Variants in RBM6 observed in about 807,000 individuals in gnomAD.
RBM6 encodes the protein RNA binding motif protein 6.
In RBM6, 23 loss-of-function variants were observed where a neutral mutation model predicts 140.4. That is an observed-to-expected ratio of 0.16 (90% CI 0.12 to 0.23). The LOEUF (loss-of-function observed/expected upper bound fraction) is 0.23. Among genes scored for constraint, RBM6 ranks in the 10% least tolerant of loss-of-function variants. The probability of loss-of-function intolerance (pLI) is 1.00; values close to 1 mark genes in which losing one functional copy is unlikely to be tolerated. For synonymous variants in RBM6, 439 were observed against 475.6 expected, an observed-to-expected ratio of 0.92 and a Z score of 1.00; for missense variants, 1,139 against 1,386.7, an observed-to-expected ratio of 0.82 and a Z score of 2.84.
chr3:49,955,331 C>T (rs2083930667), intron 1 of RBM6, among the ~76,000 whole-genome samples: 1 of 115,494 alleles, frequency 8.7e-6, no homozygotes, highest in Non-Finnish European at 1.9e-5. Context: ...CTACCACACC[C>T]AGTTAATTTT....
At chr3:50,012,530 T>C (rs2086904122) in intron 6 of RBM6, among the ~76,000 whole-genome samples, 1 of 151,446 alleles carries the variant, frequency 6.6e-6, no homozygotes, top group African/African-American at 2.4e-5. Flanking sequence ...GCTAAGTTTT[T>C]GTATTTGTAG....
At chr3:50,018,942 C>T (rs544269245) in intron 6 of RBM6, among the ~76,000 whole-genome samples, 1 of 151,928 alleles carries the variant, frequency 6.6e-6, no homozygotes, top group African/African-American at 2.4e-5. Context: ...TCCAAAGTAG[C>T]GATTACAATT....
At chr3:50,017,971 T>G (rs191422451) in intron 6 of RBM6, among the ~76,000 whole-genome samples, 1 of 152,292 alleles carries the variant, frequency 6.6e-6, no homozygotes, top group South Asian at 2.1e-4. Context: ...CTCCCAACAT[T>G]ACATACACAG....
intron 1 of RBM6, among the ~76,000 whole-genome samples, chr3:49,945,881 CAAAAAAAAAAA>C (rs67271820): frequency 2.4e-4 from 15 of 61,924 alleles, no homozygotes; most frequent in East Asian, 1.1e-3. Context: ...GACTCCATCT[CAAAAAAAAAAA>C]AAAAAAAAAA....
intron 6 of RBM6, chr3:50,047,202 A>C (rs2108877375): frequency 1.0e-6 from 1 of 985,178 alleles, no homozygotes; most frequent in Non-Finnish European, 1.2e-6. Context: ...TTCAAGCAAG[A>C]AACTGAGGTC....
chr3:50,075,903 C>G (rs948087856), intron 20 of RBM6, among the ~76,000 whole-genome samples: 1 of 152,048 alleles, frequency 6.6e-6, no homozygotes, highest in Admixed American at 6.6e-5. Context: ...AAGCCTGTAT[C>G]TTGCAATCAT....
intron 2 of RBM6, 40 bp downstream of exon 2, chr3:49,962,725 T>C: frequency 6.8e-7 from 1 of 1,478,560 alleles, no homozygotes; most frequent in Non-Finnish European, 9.1e-7. Context: ...GCCAGTATTT[T>C]AATTATAAAT....
At chr3:49,984,046 C>T (rs150119543) in intron 5 of RBM6, among the ~76,000 whole-genome samples, 1 of 152,258 alleles carries the variant, frequency 6.6e-6, no homozygotes, top group East Asian at 1.9e-4. Context: ...AATTCCAGCA[C>T]TTTGGAACGC....
At chr3:50,003,133 A>T (rs2086417938) in intron 6 of RBM6, among the ~76,000 whole-genome samples, 1 of 151,700 alleles carries the variant, frequency 6.6e-6, no homozygotes, top group Admixed American at 6.6e-5. Context: ...AATAAAATTG[A>T]ATAAATAAAT....
At chr3:49,971,539 A>G (rs2084793536) in intron 3 of RBM6, among the ~76,000 whole-genome samples, 1 of 142,196 alleles carries the variant, frequency 7.0e-6, no homozygotes, top group Non-Finnish European at 1.5e-5. Flanking sequence ...GACCAGGGAA[A>G]TTTTTCTTTT....
At chr3:49,990,572 CTG>C in intron 5 of RBM6, among the ~76,000 whole-genome samples, 2 of 152,278 alleles carry the variant, frequency 1.3e-5, no homozygotes. Context: ...TTTTTAGCCT[CTG>C]TATTAATAAA....
intron 15 of RBM6, among the ~76,000 whole-genome samples, chr3:50,063,922 A>T (rs2108929275): frequency 6.6e-6 from 1 of 152,148 alleles, no homozygotes; most frequent in South Asian, 2.1e-4. Flanking sequence ...TCAATTCATA[A>T]CACCTTTTTT....
At chr3:50,026,663 G>A (rs2108810034) in intron 6 of RBM6, among the ~76,000 whole-genome samples, 2 of 151,222 alleles carry the variant, frequency 1.3e-5, no homozygotes, top group African/African-American at 2.4e-5. Flanking sequence ...AAAAAATATA[G>A]GACTTTGGGA....
intron 16 of RBM6, 72 bp from the exon 17 acceptor site, chr3:50,066,170 C>T: frequency 6.8e-7 from 1 of 1,468,002 alleles, no homozygotes; most frequent in South Asian, 1.4e-5. Flanking sequence ...ATGCCCATAT[C>T]AGAATATCAA....
intron 6 of RBM6, among the ~76,000 whole-genome samples, chr3:50,024,043 G>T (rs919394512): frequency 6.6e-6 from 1 of 152,138 alleles, no homozygotes; most frequent in Non-Finnish European, 1.5e-5. Flanking sequence ...GGTACTTGTG[G>T]CTTAAGATAA....
intron 1 of RBM6, among the ~76,000 whole-genome samples, chr3:49,960,631 T>G (rs1488389095): frequency 1.3e-5 from 2 of 152,204 alleles, no homozygotes; most frequent in African/African-American, 4.8e-5. Flanking sequence ...ATTTGCCTCT[T>G]TTTCAGTAGC....
At chr3:49,950,011 C>G (rs2083665464) in intron 1 of RBM6, among the ~76,000 whole-genome samples, 1 of 152,164 alleles carries the variant, frequency 6.6e-6, no homozygotes, top group South Asian at 2.1e-4. Flanking sequence ...GCATGAGCCA[C>G]TGGCCCAGAC....
At chr3:49,987,256 G>A (rs1173890333) in intron 5 of RBM6, among the ~76,000 whole-genome samples, 4 of 151,586 alleles carry the variant, frequency 2.6e-5, no homozygotes, top group Non-Finnish European at 5.9e-5. Flanking sequence ...GGCCTCTGAT[G>A]CATATATTTT....
At chr3:49,959,343 C>T (rs868846039) in intron 1 of RBM6, among the ~76,000 whole-genome samples, 31 of 140,992 alleles carry the variant, frequency 2.2e-4, no homozygotes, top group East Asian at 1.5e-3. Context: ...TGCCCGCCAC[C>T]ACGCCTGGCT....
Sources: allele counts gnomAD v4.1 joint callset (sites outside exome capture counted in the v4.1 genomes callset), GRCh38; gene constraint gnomAD v4.1.1; transcripts MANE v1.5; gene names NCBI Gene and HGNC (gene_info 2026-07-23, HGNC 2026-07-21).